The following SMG5 variants were observed in gnomAD, a reference collection of about 807,000 sequenced individuals.
SMG5 encodes the protein nonsense-mediated mRNA decay factor SMG5.
A neutral mutation model predicts 122.9 loss-of-function variants in SMG5; 53 were observed. The ratio of observed to expected loss-of-function variants is 0.43; its 90% confidence interval spans 0.35 to 0.54. The LOEUF is 0.54. SMG5 is among the 20% of genes least tolerant of loss of function. SMG5 has a pLI of 0.01. For synonymous variants in SMG5, 477 were observed against 490.2 expected, an observed-to-expected ratio of 0.97 and a Z score of 0.35; for missense variants, 1,153 against 1,285.6, an observed-to-expected ratio of 0.90 and a Z score of 1.58.
upstream of SMG5, chr1:156,286,291 CT>C: frequency 6.2e-7 from 1 of 1,614,226 alleles, no homozygotes; most frequent in Non-Finnish European, 8.5e-7. Flanking sequence ...GCCTGTTATG[CT>C]TTTCTGCCCT....
intron 7 of SMG5, among the ~76,000 whole-genome samples, chr1:156,270,195 C>T (rs1662344547): frequency 6.6e-6 from 1 of 152,228 alleles, no homozygotes; most frequent in African/African-American, 2.4e-5. Context: ...ATCTGACACT[C>T]CTTCCACTGA....
At chr1:156,284,438 G>A (rs532093215), upstream of SMG5, 3 of 152,410 alleles carry the variant, frequency 2.0e-5, no homozygotes, top group South Asian at 6.2e-4. Context: ...AAACTGCAAG[G>A]TTTGGAGTGC....
chr1:156,269,830 G>A (rs1458817478), intron 7 of SMG5, among the ~76,000 whole-genome samples: 2 of 152,108 alleles, frequency 1.3e-5, no homozygotes, highest in Non-Finnish European at 2.9e-5. Context: ...AGCTGAGATC[G>A]CGCCACTGCA....
rs1178960341 is a variant in SMG5, at chr1:156,250,869, C to T, written c.2956G>A (p.Gly986Ser). The change falls in exon 21 of 22, where the codon GGC (glycine) becomes AGC (serine). Residue 986 changes from glycine (G) to serine (S), a missense_variant. Physicochemically the swap from Gly to Ser is moderately conservative, Grantham distance 56 (BLOSUM62 0). This residue lies in a region of SMG5 where 84 missense variants were observed against 82.3 expected (regional missense o/e 1.02). Coordinates refer to ENST00000361813, the MANE Select transcript of SMG5 (RefSeq NM_015327.3). ...CACCCATGACCCACCTGCATGGGGC[C>T]TGAAAGCACGCTGGGGTTGTCCAGT... ...LPLDNPSVLS[G>S]PMQAALQAAA... is the part of the protein sequence containing the mutation. The T allele has an allele frequency of 1.9e-6, 3 of 1,613,796 alleles. No homozygotes were observed. The highest frequency in any genetic ancestry group is 2.5e-6 in the Non-Finnish European group (3 of 1,179,892).
intron 15 of SMG5, 66 bp downstream of exon 15, chr1:156,260,385 C>A: frequency 6.4e-7 from 1 of 1,559,274 alleles, no homozygotes; most frequent in Non-Finnish European, 8.7e-7. Flanking sequence ...CTCCCCAGAT[C>A]TGAACCCATT....
intron 7 of SMG5, among the ~76,000 whole-genome samples, chr1:156,270,839 C>A (rs1467195271): frequency 2.6e-5 from 4 of 152,084 alleles, no homozygotes; most frequent in African/African-American, 9.7e-5. Context: ...GAAACCCGGT[C>A]TCTACTAAAA....
At chr1:156,286,549 C>T, upstream of SMG5, 1 of 1,486,398 alleles carries the variant, frequency 6.7e-7, no homozygotes, top group East Asian at 2.3e-5. Flanking sequence ...GTCTGGAGAG[C>T]CAGGGTCAGG....
rs138331773 is a variant in SMG5, at chr1:156,267,830, T to A, written c.909-152A>T. 2.5e-4 allele frequency: 190 copies of A among 750,042 alleles called. 1 individual carries two copies. In the African/African-American group the frequency reaches 3.0e-3, roughly 12 times the overall value. 46.5% of individuals were successfully genotyped at this position (750,042 alleles called of 1,614,324 possible). Reference sequence around the variant, plus strand: ...AAGGGTAGTGCTGGATTGATCTCCATAGCAACTAAAACAGGGGAAGGGATG... The same window carrying A: ...AAGGGTAGTGCTGGATTGATCTCCAAAGCAACTAAAACAGGGGAAGGGATG... On this transcript the variant is annotated intron_variant, in intron 9 of 21. Transcript: ENST00000361813.
intron 12 of SMG5, 82 bp downstream of exon 12, chr1:156,265,699 C>T: frequency 4.5e-6 from 7 of 1,542,942 alleles, no homozygotes; most frequent in Middle Eastern, 1.8e-4. Flanking sequence ...GTCATTCACA[C>T]AGATAGGAAA....
intron 13 of SMG5, among the ~76,000 whole-genome samples, chr1:156,261,715 C>T (rs1034467975): frequency 8.6e-5 from 13 of 151,900 alleles, no homozygotes; most frequent in African/African-American, 3.1e-4. Flanking sequence ...TGGTGAAACC[C>T]CATCCCTACT....
At chr1:156,285,059 C>G (rs1323934223), upstream of SMG5, 3 of 686,978 alleles carry the variant, frequency 4.4e-6, no homozygotes, top group African/African-American at 5.5e-5. Flanking sequence ...CCACGTTCTC[C>G]CTAAGGCTCC....
upstream of SMG5, chr1:156,286,167 G>A (rs1327965783): frequency 2.8e-6 from 4 of 1,405,840 alleles, no homozygotes; most frequent in African/African-American, 1.4e-5. Context: ...TAGAGCCCAT[G>A]CACTGCCCAC....
intron 16 of SMG5, among the ~76,000 whole-genome samples, chr1:156,255,061 A>T (rs780611836): frequency 6.6e-6 from 1 of 151,880 alleles, no homozygotes; most frequent in African/African-American, 2.4e-5. Context: ...ACTGTACTAC[A>T]GCCTGGGTGA....
Position 156,250,473 on chromosome 1 carries a change from TGTGTGC to T in SMG5, c.*108_*113del, listed in dbSNP as rs1336071659. On this transcript the variant is annotated 3_prime_UTR_variant, in exon 22 of 22. Coordinates refer to ENST00000361813, the MANE Select transcript of SMG5 (RefSeq NM_015327.3). ...CCTCTGAGCAGCTAGGCCTCCCTCC[TGTGTGC>T]GTGCATGAGTCTGCGTGTGGTGGGG... 1 of 915,936 alleles carries T rather than the reference TGTGTGC, an allele frequency of 1.1e-6. No homozygotes were observed. The highest frequency in any genetic ancestry group is 1.8e-6 in the Non-Finnish European group (1 of 566,110). 56.7% of individuals were successfully genotyped at this position (915,936 alleles called of 1,614,324 possible).
At chr1:156,261,124 T>A (rs1038639560) in intron 14 of SMG5, among the ~76,000 whole-genome samples, 2 of 152,190 alleles carry the variant, frequency 1.3e-5, no homozygotes, top group African/African-American at 4.8e-5. Context: ...ACTCCCTTGC[T>A]GACCAGGCCA....
At chr1:156,274,754 C>T in intron 4 of SMG5, 68 bp from the exon 5 acceptor site, 1 of 1,297,596 alleles carries the variant, frequency 7.7e-7, no homozygotes, top group Non-Finnish European at 1.1e-6. Context: ...GAAGAAATAC[C>T]CCTCCGAGAT....
chr1:156,270,601 T>C (rs1187504351), intron 7 of SMG5, among the ~76,000 whole-genome samples: 1 of 152,202 alleles, frequency 6.6e-6, no homozygotes, highest in African/African-American at 2.4e-5. Flanking sequence ...CTCCCAAACT[T>C]GGATATACCT....
chr1:156,276,693 GTCC>G (rs1662700125), intron 4 of SMG5, among the ~76,000 whole-genome samples: 2 of 152,212 alleles, frequency 1.3e-5, no homozygotes, highest in Non-Finnish European at 2.9e-5. Context: ...TTGAAAGACT[GTCC>G]ACAATTTTCC....
rs1661966222 is a variant in SMG5 at position 156,263,590 on chromosome 1, A to G, written c.1856-20T>C. The G allele has an allele frequency of 1.2e-6, 2 of 1,607,992 alleles. No individual in the cohort carries two copies. The highest frequency in any genetic ancestry group is 1.7e-6 in the Non-Finnish European group (2 of 1,176,142). ...CAGAGGCTGGGGGGTGGGTGAATGG[A>G]AGAGAAAAAAACTGGGATAAACAAC... On this transcript the variant is annotated intron_variant, in intron 12 of 21. Coordinates refer to ENST00000361813, the MANE Select transcript of SMG5 (RefSeq NM_015327.3).
Sources: allele counts gnomAD v4.1 joint callset (sites outside exome capture counted in the v4.1 genomes callset), GRCh38; gene constraint gnomAD v4.1.1; regional missense constraint gnomAD v4.1.1; transcripts MANE v1.5; gene names NCBI Gene and HGNC (gene_info 2026-07-23, HGNC 2026-07-21).